The following MNAT1 variants were observed in gnomAD, a reference collection of about 807,000 sequenced individuals.
The protein encoded by MNAT1 is CDK-activating kinase assembly factor MAT1.
In MNAT1, 43 loss-of-function variants were observed where a neutral mutation model predicts 42.0. The ratio of observed to expected loss-of-function variants is 1.02; its 90% CI spans 0.80 to 1.32. The LOEUF is 1.32. Ranked by LOEUF, MNAT1 falls within the 40% of genes most tolerant of loss-of-function variation. The probability of loss-of-function intolerance (pLI) is 0.00; values close to 1 mark genes in which losing one functional copy is unlikely to be tolerated. For synonymous variants in MNAT1, 118 were observed against 120.0 expected (o/e 0.98, Z 0.11); for missense variants, 306 against 350.4 (o/e 0.87, Z 1.01).
At chr14:60,820,660 A>G (rs1000313997) in intron 6 of MNAT1, among the ~76,000 whole-genome samples, 1 of 151,884 alleles carries the variant, frequency 6.6e-6, no homozygotes, top group Admixed American at 6.6e-5. Flanking sequence ...TTATCATCCT[A>G]GGATAATTGC....
At chr14:60,936,495 G>A (rs548655740) in intron 7 of MNAT1, among the ~76,000 whole-genome samples, 19 of 150,702 alleles carry the variant, frequency 1.3e-4, no homozygotes, top group East Asian at 3.9e-4. Context: ...TTGTCCTTGC[G>A]ATAGTTTGCT....
In MNAT1 at chr14:60,818,725, A is replaced by T. The variant is rs1242743853; in HGVS notation, c.565A>T (p.Ser189Cys). 1.3e-6 allele frequency: 2 copies of T among 1,598,768 alleles called. No individual in the cohort carries two copies. Among genetic ancestry groups the T allele is most frequent in the Admixed American group, 1.7e-5 (1 of 58,380 alleles). Residue 189 changes from serine to cysteine, a missense_variant, in exon 6 of 8, where the codon AGT (serine) becomes TGT (cysteine). Transcript: ENST00000261245. ...NKQAFLDELE[S>C]SDLPVALLLA... The stretch of plus-strand genomic sequence containing the variant: ...TGAACTTGAACTATTCTTACAGGAG[A>T]GTTCTGATCTCCCTGTTGCTCTGCT...
At chr14:60,776,572 G>C (rs181705303) in intron 1 of MNAT1, among the ~76,000 whole-genome samples, 14 of 152,140 alleles carry the variant, frequency 9.2e-5, no homozygotes, top group East Asian at 1.9e-4. Flanking sequence ...AACTGTCCTG[G>C]GGGGGGAGGA....
intron 6 of MNAT1, among the ~76,000 whole-genome samples, chr14:60,831,618 A>G (rs1275752795): frequency 6.6e-6 from 1 of 152,146 alleles, no homozygotes; most frequent in Non-Finnish European, 1.5e-5. Context: ...TGCTATTGTG[A>G]ATAGTGCTGC....
At chr14:60,799,466 G>A in intron 3 of MNAT1, 2 of 905,996 alleles carry the variant, frequency 2.2e-6, no homozygotes, top group Non-Finnish European at 1.3e-6. Flanking sequence ...AAGAAAAGTA[G>A]CTTACATATA....
At chr14:60,879,890 G>T in intron 7 of MNAT1, 55 bp downstream of exon 7, 2 of 1,557,774 alleles carry the variant, frequency 1.3e-6, no homozygotes, top group East Asian at 2.3e-5. Context: ...ACTTATTGCT[G>T]TTCTTAACTG....
intron 6 of MNAT1, among the ~76,000 whole-genome samples, chr14:60,871,027 A>G (rs573252704): frequency 6.6e-6 from 1 of 152,314 alleles, no homozygotes; most frequent in Non-Finnish European, 1.5e-5. Flanking sequence ...TTCTTGTAGC[A>G]TAACGTTTTT....
chr14:60,779,908 C>T lies in MNAT1; in HGVS notation c.90-16309C>T, dbSNP rs2031393941. 7 of 933,758 alleles carry T rather than the reference C, an allele frequency of 7.5e-6. No individual in the cohort carries two copies. The Admixed American group carries it at 8.7e-5, about 12-fold the overall frequency. The allele number at this position is 933,758 out of a possible 1,614,324, so 57.8% of individuals were successfully genotyped here. ...CTTGGCGGGGAAGTGCTGTTGGAGC[C>T]GCTGTGGTTGCTGTCCGTGTAGTGA... On this transcript the variant is annotated intron_variant, in intron 1 of 7. Coordinates refer to ENST00000261245, the MANE Select transcript of MNAT1 (RefSeq NM_002431.4).
At chr14:60,764,237 C>A (rs1206404336) in intron 1 of MNAT1, among the ~76,000 whole-genome samples, 2 of 152,150 alleles carry the variant, frequency 1.3e-5, no homozygotes, top group African/African-American at 2.4e-5. Context: ...ATGTTATTTT[C>A]TGCAATAATG....
At chr14:60,891,346 TC>T (rs1156661031) in intron 7 of MNAT1, among the ~76,000 whole-genome samples, 1 of 152,120 alleles carries the variant, frequency 6.6e-6, no homozygotes, top group Non-Finnish European at 1.5e-5. Context: ...TCTGCTTTAA[TC>T]TTCATTATTT....
intron 3 of MNAT1, among the ~76,000 whole-genome samples, chr14:60,800,377 A>C (rs1271219182): frequency 6.6e-6 from 1 of 152,040 alleles, no homozygotes; most frequent in Non-Finnish European, 1.5e-5. Flanking sequence ...AATGAGATCT[A>C]TACCAAAATT....
At chr14:60,763,595 A>G (rs552705678) in intron 1 of MNAT1, among the ~76,000 whole-genome samples, 3 of 152,292 alleles carry the variant, frequency 2.0e-5, no homozygotes, top group African/African-American at 7.2e-5. Context: ...GTTAAATCCC[A>G]GTTTATGAAT....
intron 1 of MNAT1, among the ~76,000 whole-genome samples, chr14:60,781,935 T>C (rs2031475312): frequency 6.6e-6 from 1 of 151,534 alleles, no homozygotes. Flanking sequence ...CGTATTTCCA[T>C]GTATGCATGG....
At chr14:60,844,305 A>C (rs2033627045) in intron 6 of MNAT1, among the ~76,000 whole-genome samples, 1 of 152,140 alleles carries the variant, frequency 6.6e-6, no homozygotes, top group Non-Finnish European at 1.5e-5. Context: ...GGATCTATAG[A>C]TCAATGTGGG....
intron 6 of MNAT1, among the ~76,000 whole-genome samples, chr14:60,838,005 TTC>T (rs975896535): frequency 1.2e-4 from 18 of 152,188 alleles, no homozygotes; most frequent in Admixed American, 6.5e-5. Context: ...CTAGTAATGC[TTC>T]TCTTTTATTC....
At chr14:60,945,741 G>A (rs554131310) in intron 7 of MNAT1, among the ~76,000 whole-genome samples, 3 of 151,964 alleles carry the variant, frequency 2.0e-5, no homozygotes, top group Non-Finnish European at 4.4e-5. Context: ...TAGTTCTGCC[G>A]AGAGAAGCTG....
At chr14:60,780,127 A>T (rs2031405146) in intron 1 of MNAT1, 4 of 1,493,228 alleles carry the variant, frequency 2.7e-6, no homozygotes, top group Non-Finnish European at 3.7e-6. Context: ...AGAAATACGG[A>T]CTCACCTTGC....
At chr14:60,942,701 G>C (rs536667187) in intron 7 of MNAT1, among the ~76,000 whole-genome samples, 2 of 151,952 alleles carry the variant, frequency 1.3e-5, no homozygotes, top group African/African-American at 4.8e-5. Context: ...AAAAATAGTA[G>C]ATACAAGTTT....
intron 7 of MNAT1, among the ~76,000 whole-genome samples, chr14:60,929,077 G>T (rs1182992746): frequency 4.1e-5 from 6 of 147,708 alleles, no homozygotes; most frequent in Admixed American, 2.7e-4. Flanking sequence ...AACCTGGGAG[G>T]CAGAGGTTGC....
Sources: gnomAD v4.1 joint callset for allele counts (sites outside exome capture counted in the v4.1 genomes callset) on GRCh38, gnomAD v4.1.1 for gene constraint, MANE v1.5 for transcripts, NCBI Gene and HGNC (gene_info 2026-07-23, HGNC 2026-07-21) for gene names.